The following CEACAM1 variants were observed in gnomAD, a reference collection of about 807,000 sequenced individuals.
CEACAM1 encodes the protein CEA cell adhesion molecule 1.
In CEACAM1, 31 loss-of-function variants were observed where a neutral mutation model predicts 49.1. The observed-to-expected ratio is 0.63, with a 90% CI of 0.47 to 0.85. The LOEUF is 0.85. Ranked by LOEUF, CEACAM1 falls within the 40% of genes least tolerant of loss-of-function variation. The pLI, the probability that CEACAM1 is intolerant of heterozygous loss-of-function variation, is 0.00. For missense variants in CEACAM1, 570 were observed against 645.3 expected (o/e 0.88, Z 1.26); for synonymous variants, 244 against 247.8 (o/e 0.98, Z 0.14).
Position 42,508,119 on chromosome 19 carries a change from G to A in CEACAM1, c.*990C>T, listed in dbSNP as rs1310555874. The A allele has an allele frequency of 1.3e-5, 2 of 152,166 alleles. No homozygotes were observed. The highest frequency in any genetic ancestry group is 2.9e-5 in the Non-Finnish European group (2 of 68,024). The allele number at this position is 152,166 out of a possible 1,614,324, so 9.4% of individuals were successfully genotyped here. On this transcript the variant is annotated 3_prime_UTR_variant, in exon 9 of 9. Coordinates refer to ENST00000161559, the MANE Select transcript of CEACAM1 (RefSeq NM_001712.5). ...TAAGGCAATCGGATTGGCTGACATA[G>A]CTAAGCTAAGTAAAAATAACCCTTT...
intron 7 of CEACAM1, 25 bp from the exon 8 acceptor site, chr19:42,510,945 C>T (rs368457248): frequency 5.0e-6 from 8 of 1,612,716 alleles, no homozygotes; most frequent in Non-Finnish European, 4.2e-6. Context: ...GAAGAGTTAG[C>T]GATCCATGGA....
chr19:42,510,882 T>A lies in CEACAM1; in HGVS notation c.1461+7A>T. 1.9e-6 allele frequency: 3 copies of A among 1,612,736 alleles called. No homozygotes were observed. Among genetic ancestry groups the A allele is most frequent in the Non-Finnish European group, 2.5e-6 (3 of 1,178,682 alleles). On this transcript the variant is annotated splice_region_variant and intron_variant, in intron 8 of 8. Transcript: ENST00000161559. ...AAAATAAGCCCATGAAAACCGGCTA[T>A]GCTTACCTTGTTAGGTGGGTCATTG... is the stretch of plus-strand genomic sequence containing the variant.
At chr19:42,511,109 G>C (rs1489225181) in intron 7 of CEACAM1, 189 bp from the exon 8 acceptor site, 1 of 620,588 alleles carries the variant, frequency 1.6e-6, no homozygotes, top group Non-Finnish European at 2.9e-6. Context: ...AGAACCACAG[G>C]AGGCCACAAT....
intron 6 of CEACAM1, 129 bp downstream of exon 6, chr19:42,512,221 G>C: frequency 9.6e-7 from 1 of 1,040,400 alleles, no homozygotes; most frequent in African/African-American, 1.6e-5. Flanking sequence ...GGGAATTAGT[G>C]CCGAGAAGCA....
rs773461750 is a variant in CEACAM1, at chr19:42,522,024, A to G, written c.603T>C (p.Thr201=). The G allele has an allele frequency of 6.2e-7, 1 of 1,614,176 alleles. No homozygotes were observed. Among genetic ancestry groups the G allele is most frequent in the Non-Finnish European group, 8.5e-7 (1 of 1,180,032 alleles). ...LQLSNGNRTL[T]LLSVTRNDTG... Reference sequence around the variant, plus strand: ...TGTCATTCCTTGTGACACTGAGTAGAGTGAGGGTCCTGTTGCCATTGGACA... The same window carrying G: ...TGTCATTCCTTGTGACACTGAGTAGGGTGAGGGTCCTGTTGCCATTGGACA... The change falls in exon 3 of 9, where the codon ACT becomes ACC. Residue 201 remains threonine (T), a synonymous_variant. Transcript: ENST00000161559.
At chr19:42,520,202 G>C (rs1198044240) in intron 4 of CEACAM1, among the ~76,000 whole-genome samples, 1 of 152,184 alleles carries the variant, frequency 6.6e-6, no homozygotes, top group Non-Finnish European at 1.5e-5. Flanking sequence ...AGCCCCTGTG[G>C]CTGAATCTCC....
At chr19:42,520,013 T>C (rs1162644014) in intron 4 of CEACAM1, among the ~76,000 whole-genome samples, 1 of 152,218 alleles carries the variant, frequency 6.6e-6, no homozygotes, top group Non-Finnish European at 1.5e-5. Flanking sequence ...GACCTTACTA[T>C]CTGGAGTTCC....
intron 5 of CEACAM1, chr19:42,516,961 C>G: frequency 3.0e-6 from 1 of 332,842 alleles, no homozygotes. Context: ...GTAATCAAAA[C>G]AGTATGGTAC....
intron 5 of CEACAM1, among the ~76,000 whole-genome samples, chr19:42,513,059 GA>G (rs2041501801): frequency 6.6e-6 from 1 of 152,222 alleles, no homozygotes; most frequent in African/African-American, 2.4e-5. Context: ...TGAAATATGA[GA>G]AAGGCTGATT....
At chr19:42,510,093 C>CT (rs912668480) in intron 8 of CEACAM1, among the ~76,000 whole-genome samples, 45 of 148,496 alleles carry the variant, frequency 3.0e-4, no homozygotes, top group Middle Eastern at 3.2e-3. Context: ...ATGAAAACTT[C>CT]TTTTTTTTTT....
chr19:42,521,661 T>C, intron 3 of CEACAM1, 140 bp from the exon 4 acceptor site: 1 of 1,525,900 alleles, frequency 6.6e-7, no homozygotes, highest in Non-Finnish European at 8.8e-7. Context: ...GTCCACTGAG[T>C]CTGGGTCTGA....
chr19:42,509,026 C>T lies in CEACAM1; in HGVS notation c.*83G>A. ...GTTGTTTCTGTCCCCACCCCTCTAC[C>T]CCTACAGGGGAAAGGAATCTCCTAG... On this transcript the variant is annotated 3_prime_UTR_variant, in exon 9 of 9. Coordinates refer to ENST00000161559, the MANE Select transcript of CEACAM1 (RefSeq NM_001712.5). The T allele has an allele frequency of 6.4e-7, 1 of 1,563,678 alleles. No homozygotes were observed. Among genetic ancestry groups the T allele is most frequent in the African/African-American group, 1.4e-5 (1 of 73,628 alleles).
rs371524170 is a variant in CEACAM1, at chr19:42,528,272, G to T, written c.64+39C>A. 7.0e-6 allele frequency: 11 copies of T among 1,580,992 alleles called. 1 individual carries two copies. The South Asian group carries it at 1.1e-4, about 16-fold the overall frequency. On this transcript the variant is annotated intron_variant, in intron 1 of 8. Coordinates refer to ENST00000161559, the MANE Select transcript of CEACAM1 (RefSeq NM_001712.5). The stretch of plus-strand genomic sequence containing the variant: ...AGAGGACCCTAGCCATTCTCTGTGC[G>T]CCCTCTTTCCGCCCCTTCCCAGGGT...
intron 5 of CEACAM1, 137 bp from the exon 6 acceptor site, chr19:42,512,616 A>G: frequency 1.3e-6 from 1 of 785,494 alleles, no homozygotes; most frequent in Non-Finnish European, 2.0e-6. Flanking sequence ...AGGTTGCTGG[A>G]AGGTGATTAG....
intron 5 of CEACAM1, among the ~76,000 whole-genome samples, chr19:42,516,519 C>T (rs2041602895): frequency 6.6e-6 from 1 of 152,056 alleles, no homozygotes; most frequent in Non-Finnish European, 1.5e-5. Flanking sequence ...ATTGAAAAGA[C>T]ACCCCATTTT....
intron 4 of CEACAM1, among the ~76,000 whole-genome samples, chr19:42,520,158 C>T (rs565682119): frequency 6.8e-4 from 103 of 152,304 alleles, no homozygotes; most frequent in African/African-American, 2.4e-3. Context: ...TACAAATACA[C>T]GCTGTTTGGC....
At position 42,522,169 on chromosome 19, in the gene CEACAM1, T is replaced by C. The variant is rs751330079; in HGVS notation, c.458A>G (p.Asn153Ser). 4.3e-5 allele frequency: 69 copies of C among 1,613,954 alleles called. No individual in the cohort carries two copies. Among genetic ancestry groups the C allele is most frequent in the Non-Finnish European group, 5.3e-5 (63 of 1,180,014 alleles). ...ELPKPSISSN[N>S]SNPVEDKDAV... ...ATCCTTGTCCTCCACAGGGTTGGAGTTGTTGCTGGAGATGGAGGGCTTGGG... is the reference window on the plus strand; with the variant it reads ...ATCCTTGTCCTCCACAGGGTTGGAGCTGTTGCTGGAGATGGAGGGCTTGGG... Residue 153 changes from asparagine to serine, a missense_variant, in exon 3 of 9, where the codon AAC becomes AGC. Coordinates refer to ENST00000161559, the MANE Select transcript of CEACAM1 (RefSeq NM_001712.5).
intron 5 of CEACAM1, among the ~76,000 whole-genome samples, chr19:42,514,838 G>A (rs1039407444): frequency 1.3e-5 from 2 of 152,128 alleles, no homozygotes; most frequent in East Asian, 1.9e-4. Context: ...AGTGAGAGGT[G>A]GATCTGAGAT....
intron 5 of CEACAM1, 50 bp downstream of exon 5, chr19:42,518,898 G>T: frequency 6.3e-7 from 1 of 1,590,146 alleles, no homozygotes. Context: ...GCACACCATT[G>T]ACAGAGTAAT....
Sources: allele counts gnomAD v4.1 joint callset (sites outside exome capture counted in the v4.1 genomes callset), GRCh38; gene constraint gnomAD v4.1.1; transcripts MANE v1.5; gene names NCBI Gene and HGNC (gene_info 2026-07-23, HGNC 2026-07-21).